Variants in PROS1 observed in about 807,000 individuals in gnomAD.
The protein encoded by PROS1 is protein S.
A neutral mutation model predicts 75.9 loss-of-function variants in PROS1; 29 were observed. That is an observed-to-expected ratio of 0.38 (90% confidence interval 0.28 to 0.52). The LOEUF (loss-of-function observed/expected upper bound fraction) is 0.52. Ranked by LOEUF, PROS1 falls within the 20% of genes least tolerant of loss-of-function variation. The pLI is 0.83. For synonymous variants in PROS1, 245 were observed against 280.6 expected, an observed-to-expected ratio of 0.87 and a Z score of 1.27; for missense variants, 680 against 810.3, an observed-to-expected ratio of 0.84 and a Z score of 1.95.
rs146085345 is a variant in PROS1 at position 93,880,704 on chromosome 3, C to A, written c.1493-1390G>T. 1.1e-3 allele frequency among the ~76,000 whole-genome samples: 174 copies of A among 152,116 alleles called. 1 individual carries two copies. The highest frequency in any genetic ancestry group is 3.9e-3 in the African/African-American group (163 of 41,492). The stretch of plus-strand genomic sequence containing the variant: ...AGTAAATTTAACACAGAATATTAAA[C>A]TCAAACTAAAATGAACACACGAATG... On this transcript the variant is annotated intron_variant, in intron 12 of 14. Coordinates refer to ENST00000394236, the MANE Select transcript of PROS1 (RefSeq NM_000313.4).
At chr3:93,950,422 A>G (rs1163701038) in intron 1 of PROS1, among the ~76,000 whole-genome samples, 1 of 152,186 alleles carries the variant, frequency 6.6e-6, no homozygotes, top group Non-Finnish European at 1.5e-5. Flanking sequence ...CTTAACTGGG[A>G]GACATCTCCC....
chr3:93,927,848 A>AATATAT (rs1462119076), intron 1 of PROS1, among the ~76,000 whole-genome samples: 3 of 56,432 alleles, frequency 5.3e-5, no homozygotes, highest in Non-Finnish European at 1.1e-4. Flanking sequence ...ACAAAAAACA[A>AATATAT]ACATATATAT....
chr3:93,894,372 T>C (rs1708472529), intron 9 of PROS1, among the ~76,000 whole-genome samples: 1 of 152,160 alleles, frequency 6.6e-6, no homozygotes, highest in Non-Finnish European at 1.5e-5. Flanking sequence ...ACTCAGATTA[T>C]GAAAAAAAGA....
chr3:93,964,015 C>T (rs1454784068), intron 1 of PROS1, among the ~76,000 whole-genome samples: 1 of 152,172 alleles, frequency 6.6e-6, no homozygotes, highest in African/African-American at 2.4e-5. Context: ...TTTATCAGTT[C>T]CCAAATTAAT....
rs1032420361 is a variant in PROS1, at chr3:93,973,842, C to T, written c.-93G>A. Reference sequence around the variant, plus strand: ...CGCGGAGCTGCGAGCCTGTGCGCCTCGGTCTGAGCCGTGCTGCGCGGCGGC... The same window carrying T: ...CGCGGAGCTGCGAGCCTGTGCGCCTTGGTCTGAGCCGTGCTGCGCGGCGGC... On this transcript the variant is annotated 5_prime_UTR_variant, in exon 1 of 15. Coordinates refer to ENST00000394236, the MANE Select transcript of PROS1 (RefSeq NM_000313.4). The T allele has an allele frequency of 1.3e-5, 14 of 1,101,790 alleles. No individual in the cohort carries two copies. The highest frequency in any genetic ancestry group is 1.7e-5 in the African/African-American group (1 of 59,366). 68.3% of individuals were successfully genotyped at this position (1,101,790 alleles called of 1,614,324 possible).
intron 12 of PROS1, 132 bp downstream of exon 12, chr3:93,884,596 A>G (rs1708319953): frequency 3.8e-6 from 4 of 1,041,554 alleles, no homozygotes; most frequent in Non-Finnish European, 5.6e-6. Flanking sequence ...ATATAATAGT[A>G]TGAATAAGCA....
chr3:93,879,986 A>C (rs1708252110), intron 12 of PROS1, among the ~76,000 whole-genome samples: 1 of 152,204 alleles, frequency 6.6e-6, no homozygotes, highest in Non-Finnish European at 1.5e-5. Flanking sequence ...ATATTTGTTG[A>C]ATTAATATGT....
intron 1 of PROS1, among the ~76,000 whole-genome samples, chr3:93,970,169 A>T (rs1709855286): frequency 6.6e-6 from 1 of 152,190 alleles, no homozygotes; most frequent in South Asian, 2.1e-4. Context: ...GAGGGTACAA[A>T]AGAGGAGGAA....
At chr3:93,896,727 T>G in intron 8 of PROS1, 36 bp from the exon 9 acceptor site, 1 of 1,461,528 alleles carries the variant, frequency 6.8e-7, no homozygotes, top group Non-Finnish European at 9.6e-7. Flanking sequence ...AACAAGAAAA[T>G]CAAAATGCAC....
In PROS1 at chr3:93,877,148, T is replaced by A; in HGVS notation, c.1688A>T (p.Gln563Leu). ...TTGATCGGAACATAGACTTAGGGCCTGTATCCGATATATTACAGTATTTTC... is the reference window on the plus strand; with the variant it reads ...TTGATCGGAACATAGACTTAGGGCCAGTATCCGATATATTACAGTATTTTC... ...SVENTVIYRI[Q>L]ALSLCSDQQS... The change falls in exon 14 of 15, where the codon CAG (glutamine) becomes CTG (leucine). Residue 563 changes from glutamine to leucine, a missense_variant. By Grantham distance (113) the Gln-to-Leu change is moderately radical. Transcript: ENST00000394236. The A allele has an allele frequency of 1.2e-6, 2 of 1,610,930 alleles. No individual in the cohort carries two copies. The highest frequency in any genetic ancestry group is 1.7e-6 in the Non-Finnish European group (2 of 1,177,178).
At chr3:93,933,504 G>A (rs1709136882) in intron 1 of PROS1, among the ~76,000 whole-genome samples, 1 of 151,984 alleles carries the variant, frequency 6.6e-6, no homozygotes, top group Non-Finnish European at 1.5e-5. Flanking sequence ...GAGCCCAGAA[G>A]GTTGAGGTAC....
At chr3:93,910,777 G>C in intron 3 of PROS1, 72 bp from the exon 4 acceptor site, 3 of 1,232,546 alleles carry the variant, frequency 2.4e-6, no homozygotes, top group Non-Finnish European at 3.5e-6. Context: ...GGTAGGAACT[G>C]TCCCAAGAGG....
chr3:93,962,199 T>G (rs1559953044), intron 1 of PROS1, among the ~76,000 whole-genome samples: 1 of 151,904 alleles, frequency 6.6e-6, no homozygotes, highest in Non-Finnish European at 1.5e-5. Context: ...GAACAAAAAC[T>G]GGGGTGTGTG....
At chr3:93,966,349 G>C (rs1007249783) in intron 1 of PROS1, among the ~76,000 whole-genome samples, 1 of 152,168 alleles carries the variant, frequency 6.6e-6, no homozygotes, top group African/African-American at 2.4e-5. Context: ...CCAGAGATGA[G>C]AATGTTTGTG....
At chr3:93,930,245 C>G (rs2107208012) in intron 1 of PROS1, among the ~76,000 whole-genome samples, 1 of 152,236 alleles carries the variant, frequency 6.6e-6, no homozygotes, top group Middle Eastern at 3.4e-3. Context: ...TGCTATCTGC[C>G]AAGTGTGTTA....
At chr3:93,957,393 A>G (rs1345839853) in intron 1 of PROS1, among the ~76,000 whole-genome samples, 1 of 152,198 alleles carries the variant, frequency 6.6e-6, no homozygotes, top group Non-Finnish European at 1.5e-5. Flanking sequence ...TTTTCAAATT[A>G]GATTGCATTA....
Position 93,907,918 on chromosome 3 carries a change from T to G in PROS1, c.347-1775A>C, listed in dbSNP as rs532916567. 3.3e-5 allele frequency among the ~76,000 whole-genome samples: 5 copies of G among 152,266 alleles called. No homozygotes were observed. In the East Asian group the frequency reaches 7.7e-4, roughly 24 times the overall value. On this transcript the variant is annotated intron_variant, in intron 4 of 14. Transcript: ENST00000394236. ...GGCTCACACCTGTAATCCCAGCACTTTGGGAGACCAAGGCAGGCAGGCAGA... is the reference window on the plus strand; with the variant it reads ...GGCTCACACCTGTAATCCCAGCACTGTGGGAGACCAAGGCAGGCAGGCAGA...
chr3:93,912,377 A>G (rs748571750), intron 3 of PROS1, among the ~76,000 whole-genome samples: 2 of 152,130 alleles, frequency 1.3e-5, no homozygotes, highest in East Asian at 3.9e-4. Flanking sequence ...ATCTTTCATC[A>G]CATCTGCAAA....
At position 93,955,950 on chromosome 3, in the gene PROS1, G is replaced by C. The variant is rs558731152; in HGVS notation, c.76+17724C>G. On this transcript the variant is annotated intron_variant, in intron 1 of 14. Coordinates refer to ENST00000394236, the MANE Select transcript of PROS1 (RefSeq NM_000313.4). ...AGAACTGACCATATATTGAACACTT[G>C]GTTTACTATTTGACTCTATCCTGAC... 3.9e-5 allele frequency among the ~76,000 whole-genome samples: 6 copies of C among 152,104 alleles called. No homozygotes were observed. In the East Asian group the frequency reaches 1.2e-3, roughly 29 times the overall value.
Sources: gnomAD v4.1 joint callset for allele counts (sites outside exome capture counted in the v4.1 genomes callset) on GRCh38, gnomAD v4.1.1 for gene constraint, MANE v1.5 for transcripts, NCBI Gene and HGNC (gene_info 2026-07-23, HGNC 2026-07-21) for gene names.